Variants in DLG2 observed in about 807,000 individuals in gnomAD.
The protein encoded by DLG2 is discs large MAGUK scaffold protein 2.
DLG2 carries 45 observed loss-of-function variants against 132.5 expected under a neutral mutation model. The observed-to-expected ratio is 0.34, with a 90% CI of 0.27 to 0.44. DLG2 has a LOEUF of 0.44. DLG2 is among the 20% of genes least tolerant of loss of function. The pLI is 1.00. For synonymous variants in DLG2, 424 were observed against 419.6 expected (o/e 1.01, Z -0.13); for missense variants, 1,045 against 1,196.9 (o/e 0.87, Z 1.87).
intron 7 of DLG2, among the ~76,000 whole-genome samples, chr11:84,427,602 C>A (rs980878810): frequency 6.6e-6 from 1 of 152,168 alleles, no homozygotes; most frequent in Admixed American, 6.5e-5. Flanking sequence ...AGGATAATGT[C>A]CAAATAGGAA....
At chr11:83,874,304 G>A (rs2064178258) in intron 16 of DLG2, 116 bp downstream of exon 16, 1 of 531,864 alleles carries the variant, frequency 1.9e-6, no homozygotes. Context: ...AGGAAGGAAG[G>A]AAAGAAGGAA....
chr11:84,291,058 T>C (rs2097988244), intron 7 of DLG2, among the ~76,000 whole-genome samples: 1 of 152,188 alleles, frequency 6.6e-6, no homozygotes, highest in South Asian at 2.1e-4. Flanking sequence ...TTAGCTACTA[T>C]TGTTTAAAAA....
chr11:84,727,561 T>C (rs2062633359), intron 6 of DLG2, among the ~76,000 whole-genome samples: 1 of 152,184 alleles, frequency 6.6e-6, no homozygotes, highest in Admixed American at 6.5e-5. Context: ...TGTCCAGGAT[T>C]TTCTTGGCAT....
Position 84,614,664 on chromosome 11 carries a change from C to G in DLG2, c.358-79933G>C, listed in dbSNP as rs181479669. On this transcript the variant is annotated intron_variant, in intron 6 of 27. Coordinates refer to ENST00000376104, the MANE Select transcript of DLG2 (RefSeq NM_001142699.3). ...TGACAAATATATATACATTTTTTAC[C>G]TGTTTGTTGATCTTTAAAATATTTC... 3.3e-3 allele frequency among the ~76,000 whole-genome samples: 505 copies of G among 152,138 alleles called. 4 individuals carry two copies. Among genetic ancestry groups the G allele is most frequent in the Non-Finnish European group, 5.2e-3 (353 of 67,990 alleles).
At chr11:83,706,757 G>A (rs1279373485) in intron 18 of DLG2, among the ~76,000 whole-genome samples, 1 of 152,226 alleles carries the variant, frequency 6.6e-6, no homozygotes, top group Non-Finnish European at 1.5e-5. Context: ...GTGCATGCCA[G>A]AGTGGCGAGT....
At chr11:83,585,645 T>C (rs80041065) in intron 19 of DLG2, among the ~76,000 whole-genome samples, 2,664 of 152,342 alleles carry the variant, frequency 0.017, 69 homozygotes, top group African/African-American at 0.061. Flanking sequence ...TTGGATATTT[T>C]TCTGATTGAA....
chr11:84,495,738 C>T (rs1488500692), intron 7 of DLG2, among the ~76,000 whole-genome samples: 1 of 152,120 alleles, frequency 6.6e-6, no homozygotes, highest in Non-Finnish European at 1.5e-5. Context: ...CAGAAATGAC[C>T]TCTAATTATG....
rs142432098 is a variant in DLG2, at chr11:84,219,061, C to A, written c.573+32177G>T. 3.4e-3 allele frequency among the ~76,000 whole-genome samples: 513 copies of A among 152,306 alleles called. 1 individual carries two copies. The highest frequency in any genetic ancestry group is 5.6e-3 in the Non-Finnish European group (378 of 68,014). On this transcript the variant is annotated intron_variant, in intron 8 of 27. Coordinates refer to ENST00000376104, the MANE Select transcript of DLG2 (RefSeq NM_001142699.3). ...CTTCAGGGAAAACACATTACATAAT[C>A]AATCCTGTAAATACCATGATTTACT... is the stretch of plus-strand genomic sequence containing the variant.
chr11:83,908,659 T>C (rs528608098), intron 15 of DLG2, among the ~76,000 whole-genome samples: 1 of 152,242 alleles, frequency 6.6e-6, no homozygotes, highest in East Asian at 1.9e-4. Context: ...ATTTGCTTAG[T>C]AAGTATTTGT....
intron 19 of DLG2, among the ~76,000 whole-genome samples, chr11:83,629,943 T>A (rs1046468912): frequency 1.3e-5 from 2 of 152,316 alleles, no homozygotes; most frequent in Admixed American, 1.3e-4. Flanking sequence ...TACTGCTATA[T>A]GTTTCACAAT....
At chr11:84,453,724 G>A (rs1372123801) in intron 7 of DLG2, among the ~76,000 whole-genome samples, 1 of 151,556 alleles carries the variant, frequency 6.6e-6, no homozygotes, top group Non-Finnish European at 1.5e-5. Context: ...TAAAAGAAAT[G>A]AAGTACCTTG....
At chr11:85,075,528 A>G (rs2066417911) in intron 6 of DLG2, among the ~76,000 whole-genome samples, 2 of 152,022 alleles carry the variant, frequency 1.3e-5, no homozygotes, top group East Asian at 3.9e-4. Flanking sequence ...CATTTTACTG[A>G]CTGAAATAAG....
At chr11:83,601,158 G>A (rs2153373191) in intron 19 of DLG2, among the ~76,000 whole-genome samples, 1 of 152,302 alleles carries the variant, frequency 6.6e-6, no homozygotes, top group East Asian at 1.9e-4. Flanking sequence ...TGAATGCAAA[G>A]TCCTATGGCT....
At chr11:83,967,326 G>T (rs1248040326) in intron 12 of DLG2, among the ~76,000 whole-genome samples, 1 of 151,920 alleles carries the variant, frequency 6.6e-6, no homozygotes, top group Non-Finnish European at 1.5e-5. Context: ...TTTCCATAAT[G>T]GCTACACCAG....
At chr11:85,034,078 A>ATTT (rs10719469) in intron 6 of DLG2, among the ~76,000 whole-genome samples, 150 of 137,914 alleles carry the variant, frequency 1.1e-3, no homozygotes, top group African/African-American at 3.9e-3. Context: ...GATATATTAG[A>ATTT]TTTTTTTTTT....
rs540132978 is a variant in DLG2, at chr11:85,207,253, G to C, written c.187-52602C>G. ...GTCTTCTTAGACTGTGTAAACAATT[G>C]CATTCTTTTTCTAAGAGGAGGGCTA... On this transcript the variant is annotated intron_variant, in intron 4 of 27. Coordinates refer to ENST00000376104, the MANE Select transcript of DLG2 (RefSeq NM_001142699.3). Among the ~76,000 whole-genome samples the C allele has an allele frequency of 3.9e-5, 6 of 152,196 alleles. No individual in the cohort carries two copies. The East Asian group carries it at 1.2e-3, about 29-fold the overall frequency.
intron 11 of DLG2, among the ~76,000 whole-genome samples, chr11:84,021,353 GA>G (rs3040383): frequency 0.29 from 42,709 of 147,836 alleles, 6,208 homozygotes; most frequent in East Asian, 0.45. Flanking sequence ...AGCTGAGAAA[GA>G]AAAAAAAAAA....
intron 3 of DLG2, among the ~76,000 whole-genome samples, chr11:85,430,847 T>TC (rs993062564): frequency 3.1e-4 from 13 of 41,484 alleles, no homozygotes; most frequent in African/African-American, 1.2e-3. Context: ...AGCTAGCCAG[T>TC]CAAAAAAAAA....
At chr11:83,712,880 G>A (rs1195644897) in intron 18 of DLG2, among the ~76,000 whole-genome samples, 1 of 151,910 alleles carries the variant, frequency 6.6e-6, no homozygotes, top group Non-Finnish European at 1.5e-5. Flanking sequence ...CCTAGGTGAT[G>A]GGATGATCTG....
Sources: gnomAD v4.1 joint callset for allele counts (sites outside exome capture counted in the v4.1 genomes callset) on GRCh38, gnomAD v4.1.1 for gene constraint, MANE v1.5 for transcripts, NCBI Gene and HGNC (gene_info 2026-07-23, HGNC 2026-07-21) for gene names.